The following CYP2C19 variants were observed in gnomAD, a reference collection of about 807,000 sequenced individuals.
CYP2C19 encodes cytochrome P450 family 2 subfamily C member 19, also known as cytochrome P450 2C19.
CYP2C19 carries 59 observed loss-of-function variants against 40.9 expected under a neutral mutation model. The observed-to-expected ratio is 1.44, with a 90% CI of 1.17 to 1.79. The LOEUF (loss-of-function observed/expected upper bound fraction) is 1.79, where lower values mean the gene tolerates loss of function less well. Among genes scored for constraint, CYP2C19 ranks in the 40% most tolerant of loss-of-function variants. The pLI, the probability that CYP2C19 is intolerant of heterozygous loss-of-function variation, is 0.00. For synonymous variants in CYP2C19, 253 were observed against 208.7 expected (o/e 1.21, Z -1.83); for missense variants, 754 against 596.9 (o/e 1.26, Z -2.74).
At chr10:94,846,302 ATAT>A (rs1422374616) in intron 7 of CYP2C19, among the ~76,000 whole-genome samples, 1 of 152,062 alleles carries the variant, frequency 6.6e-6, no homozygotes. Flanking sequence ...TGTTTTCTAG[ATAT>A]TATATTCCAG....
At chr10:94,769,989 C>G (rs188921490) in intron 1 of CYP2C19, among the ~76,000 whole-genome samples, 1 of 152,238 alleles carries the variant, frequency 6.6e-6, no homozygotes, top group African/African-American at 2.4e-5. Flanking sequence ...CCAATTACAA[C>G]TGAGGAGGTG....
chr10:94,775,220 G>T lies in CYP2C19; in HGVS notation c.331G>T (p.Gly111Ter). The change falls in exon 2 of 9, where the codon GGA becomes TGA. Residue 111 changes from glycine to a stop codon, truncating the protein, a stop_gained and splice_region_variant. Transcript: ENST00000371321. LOFTEE classifies it high-confidence loss of function. ...PLAERANRGF[G>*]IVFSNGKRWK... ...GGCTGAAAGAGCTAACAGAGGATTT[G>T]GTAGGTGTGCAAGTGCCTGTTTCAG... The T allele has an allele frequency of 3.7e-6, 6 of 1,614,064 alleles. No individual in the cohort carries two copies. The highest frequency in any genetic ancestry group is 5.1e-6 in the Non-Finnish European group (6 of 1,180,016).
chr10:94,821,512 C>T (rs1052385596), intron 6 of CYP2C19, among the ~76,000 whole-genome samples: 3 of 151,960 alleles, frequency 2.0e-5, no homozygotes, highest in African/African-American at 7.3e-5. Context: ...AAAAGAGGTA[C>T]CTAAAGAATG....
At chr10:94,795,582 G>A (rs2080892274) in intron 5 of CYP2C19, among the ~76,000 whole-genome samples, 1 of 152,080 alleles carries the variant, frequency 6.6e-6, no homozygotes. Flanking sequence ...TTGCCACAGT[G>A]ACTTCCACAA....
At chr10:94,821,435 GAAAAA>G (rs752119212) in intron 6 of CYP2C19, among the ~76,000 whole-genome samples, 1 of 152,274 alleles carries the variant, frequency 6.6e-6, no homozygotes, top group African/African-American at 2.4e-5. Flanking sequence ...GAGGCTGCCT[GAAAAA>G]ATTCCTAGTC....
chr10:94,783,496 G>A (rs558049120), intron 5 of CYP2C19, among the ~76,000 whole-genome samples: 15 of 152,228 alleles, frequency 9.9e-5, no homozygotes, highest in South Asian at 8.3e-4. Flanking sequence ...ATCAGATACC[G>A]TGTAAACATC....
chr10:94,826,682 C>G (rs1589369648), intron 6 of CYP2C19, among the ~76,000 whole-genome samples: 1 of 152,128 alleles, frequency 6.6e-6, no homozygotes, highest in Non-Finnish European at 1.5e-5. Context: ...CTGGCCAGAA[C>G]TTCCAACACT....
intron 1 of CYP2C19, among the ~76,000 whole-genome samples, chr10:94,765,961 C>A (rs1848236075): frequency 6.6e-6 from 1 of 152,002 alleles, no homozygotes; most frequent in South Asian, 2.1e-4. Context: ...TGTGTATGGG[C>A]TTTTCATTGC....
At chr10:94,830,306 G>C (rs1450380003) in intron 6 of CYP2C19, among the ~76,000 whole-genome samples, 1 of 152,212 alleles carries the variant, frequency 6.6e-6, no homozygotes, top group African/African-American at 2.4e-5. Context: ...CAATTAGTGA[G>C]ACTCCGTGGG....
intron 3 of CYP2C19, among the ~76,000 whole-genome samples, chr10:94,778,613 C>G (rs923347276): frequency 1.3e-5 from 2 of 152,136 alleles, no homozygotes; most frequent in Admixed American, 6.5e-5. Flanking sequence ...AGTTAGGAAA[C>G]AAGAGATGCT....
At chr10:94,817,613 G>A (rs1849027204) in intron 5 of CYP2C19, among the ~76,000 whole-genome samples, 1 of 145,848 alleles carries the variant, frequency 6.9e-6, no homozygotes, top group Admixed American at 6.9e-5. Context: ...TTTGTCTTTT[G>A]TTGCCATTGC....
intron 1 of CYP2C19, among the ~76,000 whole-genome samples, chr10:94,770,798 G>T (rs1848318476): frequency 1.3e-5 from 2 of 152,028 alleles, no homozygotes; most frequent in Non-Finnish European, 2.9e-5. Context: ...ACTCCTTCTA[G>T]AACACTGGTC....
intron 5 of CYP2C19, among the ~76,000 whole-genome samples, chr10:94,799,645 G>T (rs1459428480): frequency 6.6e-6 from 1 of 152,128 alleles, no homozygotes; most frequent in African/African-American, 2.4e-5. Flanking sequence ...ATCAAATGTA[G>T]ATTTGGTCTT....
chr10:94,786,873 G>A (rs1360146198), intron 5 of CYP2C19, among the ~76,000 whole-genome samples: 1 of 152,088 alleles, frequency 6.6e-6, no homozygotes, highest in Admixed American at 6.6e-5. Context: ...GCATTTCATA[G>A]TGTATATATA....
At chr10:94,797,277 T>C (rs1429784540) in intron 5 of CYP2C19, among the ~76,000 whole-genome samples, 1 of 152,180 alleles carries the variant, frequency 6.6e-6, no homozygotes, top group South Asian at 2.1e-4. Context: ...TGGTTCTGTT[T>C]ATATGCTGGA....
intron 3 of CYP2C19, among the ~76,000 whole-genome samples, chr10:94,777,557 T>C (rs1848425035): frequency 6.6e-6 from 1 of 152,164 alleles, no homozygotes. Flanking sequence ...GGGAAAAAGA[T>C]TCCCTATTTA....
At chr10:94,846,598 T>G (rs1049371647) in intron 7 of CYP2C19, among the ~76,000 whole-genome samples, 3 of 152,196 alleles carry the variant, frequency 2.0e-5, no homozygotes, top group Non-Finnish European at 4.4e-5. Context: ...CTGATGATCT[T>G]GACCTGAATG....
At chr10:94,850,215 A>G (rs985179265) in intron 8 of CYP2C19, among the ~76,000 whole-genome samples, 157 bp downstream of exon 8, 2 of 152,134 alleles carry the variant, frequency 1.3e-5, no homozygotes, top group Non-Finnish European at 2.9e-5. Context: ...CTGGTGATAC[A>G]TCCTCATTAT....
chr10:94,795,452 C>T (rs191245010), intron 5 of CYP2C19, among the ~76,000 whole-genome samples: 15 of 151,906 alleles, frequency 9.9e-5, no homozygotes, highest in East Asian at 5.8e-4. Context: ...TGAATAGTGC[C>T]GCAATAAATG....
Sources: allele counts gnomAD v4.1 joint callset (sites outside exome capture counted in the v4.1 genomes callset), GRCh38; gene constraint gnomAD v4.1.1; transcripts MANE v1.5; gene names NCBI Gene and HGNC (gene_info 2026-07-23, HGNC 2026-07-21).